NDEL1: variants seen among roughly 807,000 people sequenced by gnomAD.
NDEL1 encodes the protein nuclear distribution protein nudE-like 1.
A neutral mutation model predicts 45.7 loss-of-function variants in NDEL1; 9 were observed. The ratio of observed to expected loss-of-function variants is 0.20; its 90% confidence interval spans 0.12 to 0.34. The LOEUF is 0.34. Ranked by LOEUF, NDEL1 falls within the 10% of genes least tolerant of loss-of-function variation. The pLI, the probability that NDEL1 is intolerant of heterozygous loss-of-function variation, is 1.00. For missense variants in NDEL1, 306 were observed against 406.2 expected (o/e 0.75, Z 2.12); for synonymous variants, 133 against 158.6 (o/e 0.84, Z 1.21).
chr17:8,426,245 G>T (rs998778302), intron 1 of NDEL1, among the ~76,000 whole-genome samples: 2 of 152,188 alleles, frequency 1.3e-5, no homozygotes, highest in African/African-American at 4.8e-5. Context: ...TTGTTGAATG[G>T]TTGGAAGCAT....
At chr17:8,440,755 A>G (rs912964832) in intron 1 of NDEL1, among the ~76,000 whole-genome samples, 3 of 152,230 alleles carry the variant, frequency 2.0e-5, no homozygotes, top group Non-Finnish European at 4.4e-5. Flanking sequence ...GGATACTCGC[A>G]ATACATCCAG....
rs763353095 is a variant in NDEL1, at chr17:8,465,006, A to G, written c.945-1924A>G. ...GGTGCCAGATTCTTCTTGGCATCCA[A>G]TGGTGCTCCCTTTCTGCTGGGTTCC... On this transcript the variant is annotated intron_variant, in intron 8 of 8. Transcript: ENST00000334527. The surrounding 1 kb of genome is among the most constrained non-coding windows in gnomAD (Gnocchi z 4.9). 2.0e-5 allele frequency: 3 copies of G among 152,316 alleles called. No individual in the cohort carries two copies. Among genetic ancestry groups the G allele is most frequent in the East Asian group, 1.9e-4 (1 of 5,180 alleles). 9.4% of individuals were successfully genotyped at this position (152,316 alleles called of 1,614,324 possible). A position where few individuals can be genotyped will look rare whatever the true frequency, so the allele number is the denominator to read the frequency against.
rs78840292 is a variant in NDEL1, at chr17:8,451,488, G to A, written c.700+535G>A. Among the ~76,000 whole-genome samples, 172 of 152,262 alleles carry A rather than the reference G, an allele frequency of 1.1e-3. 2 individuals carry two copies. The East Asian group carries it at 0.028, about 25-fold the overall frequency. On this transcript the variant is annotated intron_variant, in intron 6 of 8. Transcript: ENST00000334527. ...CATAGAATGTACAGAGAATCATTAAGTTATCTTTCAGACTCATGTAAGACC... is the reference window on the plus strand; with the variant it reads ...CATAGAATGTACAGAGAATCATTAAATTATCTTTCAGACTCATGTAAGACC...
At position 8,445,769 on chromosome 17, in the gene NDEL1, G is replaced by T. The variant is rs1264731593; in HGVS notation, c.145G>T (p.Ala49Ser). ...EFQEGSRELE[A>S]ELEAQLVQAE... ...CCAGGAAGGAAGCAGAGAATTAGAAGCAGAGTTGGAGGCACAATTAGTACA... is the reference window on the plus strand; with the variant it reads ...CCAGGAAGGAAGCAGAGAATTAGAATCAGAGTTGGAGGCACAATTAGTACA... Residue 49 changes from alanine to serine, a missense_variant, in exon 3 of 9, where the codon GCA (alanine) becomes TCA (serine). Ala to Ser is a moderately conservative substitution (Grantham distance 99). Coordinates refer to ENST00000334527, the MANE Select transcript of NDEL1 (RefSeq NM_030808.5). 6.2e-7 allele frequency: 1 copy of T among 1,602,156 alleles called. No individual in the cohort carries two copies. The highest frequency in any genetic ancestry group is 1.1e-5 in the South Asian group (1 of 88,406).
upstream of NDEL1, among the ~76,000 whole-genome samples, chr17:8,433,191 A>C (rs9652837): frequency 0.92 from 140,409 of 152,186 alleles, 65,828 homozygotes; most frequent in East Asian, 1. Flanking sequence ...TGACCTGGGC[A>C]CAATGGTTTT....
chr17:8,472,998 A>G (rs1284599538), downstream of NDEL1, among the ~76,000 whole-genome samples: 3 of 152,180 alleles, frequency 2.0e-5, no homozygotes, highest in African/African-American at 7.2e-5. Flanking sequence ...TGCCCAACGA[A>G]GGTTGTATAA....
Position 8,468,057 on chromosome 17 carries a change from T to C in NDEL1, c.*1034T>C, listed in dbSNP as rs572796672. 7.2e-5 allele frequency: 11 copies of C among 152,792 alleles called. No individual in the cohort carries two copies. The South Asian group carries it at 1.9e-3, about 26-fold the overall frequency. 9.5% of individuals were successfully genotyped at this position (152,792 alleles called of 1,614,324 possible). ...TACGGCATGTTAATGACTCTGATGG[T>C]GTCCTCCTCTGGGCAGCTGTATAGG... On this transcript the variant is annotated 3_prime_UTR_variant, in exon 9 of 9. Transcript: ENST00000334527.
downstream of NDEL1, among the ~76,000 whole-genome samples, chr17:8,470,502 C>A (rs1307496449): frequency 6.6e-6 from 1 of 152,202 alleles, no homozygotes; most frequent in Admixed American, 6.5e-5. This position sits in a 1 kb window ranked among gnomAD's most constrained non-coding sequence, Gnocchi z 4.2. Flanking sequence ...CTGACCAACG[C>A]AGCTGAGACC....
chr17:8,448,085 TCTGGTCCTTTTCTTA>T (rs1036592100), intron 4 of NDEL1, among the ~76,000 whole-genome samples: 1 of 152,188 alleles, frequency 6.6e-6, no homozygotes, highest in Non-Finnish European at 1.5e-5. Flanking sequence ...GGGAATAGCT[TCTGGTCCTTTTCTTA>T]CTTAGGTGTG....
At chr17:8,473,213 G>A (rs1911938493) in intron 3 of NDEL1, among the ~76,000 whole-genome samples, 1 of 151,706 alleles carries the variant, frequency 6.6e-6, no homozygotes, top group Middle Eastern at 3.4e-3. Context: ...AGACGGAGTC[G>A]CCCTTCTCTG....
downstream of NDEL1, among the ~76,000 whole-genome samples, chr17:8,470,948 C>G (rs935396698): frequency 9.9e-5 from 15 of 152,216 alleles, no homozygotes; most frequent in African/African-American, 3.6e-4. The surrounding 1 kb of genome is among the most constrained non-coding windows in gnomAD (Gnocchi z 4.2). Context: ...AAGGTGGAAG[C>G]TGGCACTTCT....
chr17:8,428,829 A>T (rs1049441698), intron 1 of NDEL1, among the ~76,000 whole-genome samples: 6 of 150,914 alleles, frequency 4.0e-5, no homozygotes, highest in African/African-American at 1.2e-4. Flanking sequence ...TCCTGCCACC[A>T]CGCCCGGCTA....
At chr17:8,446,678 T>A in intron 3 of NDEL1, 76 bp from the exon 4 acceptor site, 13 of 1,443,578 alleles carry the variant, frequency 9.0e-6, no homozygotes, top group African/African-American at 2.8e-5. Context: ...CCCCCCACCC[T>A]TTTAACTTGA....
In NDEL1 at chr17:8,436,065, C is replaced by T; in HGVS notation, c.-13+20C>T. On this transcript the variant is annotated intron_variant, in intron 1 of 8. Coordinates refer to ENST00000334527, the MANE Select transcript of NDEL1 (RefSeq NM_030808.5). ...TTGGAGGTGAGCCTGCAGCGCGGGG[C>T]CGCTCCCTAAGGGGCTGCGCTGGGC... 2.4e-6 allele frequency: 1 copy of T among 425,378 alleles called. No individual in the cohort carries two copies. Among genetic ancestry groups the T allele is most frequent in the Non-Finnish European group, 4.7e-6 (1 of 213,866 alleles). The allele number at this position is 425,378 out of a possible 1,614,324, so 26.4% of individuals were successfully genotyped here.
intron 1 of NDEL1, among the ~76,000 whole-genome samples, chr17:8,418,992 G>A (rs935318575): frequency 6.6e-6 from 1 of 151,886 alleles, no homozygotes. Context: ...GAGACTATAA[G>A]CACACACCAC....
chr17:8,433,578 A>G (rs1597517442), upstream of NDEL1, among the ~76,000 whole-genome samples: 1 of 152,354 alleles, frequency 6.6e-6, no homozygotes, highest in Non-Finnish European at 1.5e-5. Flanking sequence ...GTGTTCTGAT[A>G]GGGACTCTCT....
intron 1 of NDEL1, among the ~76,000 whole-genome samples, chr17:8,419,523 C>T (rs1048910116): frequency 6.6e-6 from 1 of 152,092 alleles, no homozygotes; most frequent in Admixed American, 6.6e-5. Flanking sequence ...TACAGTATTT[C>T]TTTGCATGTA....
chr17:8,437,489 A>G (rs1909428198), intron 1 of NDEL1, among the ~76,000 whole-genome samples: 4 of 152,234 alleles, frequency 2.6e-5, no homozygotes, highest in Non-Finnish European at 5.9e-5. Flanking sequence ...GCTGGGATAA[A>G]TTTGGTTACT....
intron 8 of NDEL1, chr17:8,464,445 T>G (rs552359812): frequency 1.3e-5 from 2 of 152,272 alleles, no homozygotes; most frequent in East Asian, 3.9e-4. Flanking sequence ...CTGAAGGACT[T>G]CACTAGACCT....
Sources: gnomAD v4.1 joint callset for allele counts (sites outside exome capture counted in the v4.1 genomes callset) on GRCh38, gnomAD v4.1.1 for gene constraint, Gnocchi (gnomAD v3.1) non-coding constraint, MANE v1.5 for transcripts, NCBI Gene and HGNC (gene_info 2026-07-23, HGNC 2026-07-21) for gene names.